CLVS1: variants seen among roughly 807,000 people sequenced by gnomAD.
CLVS1 encodes the protein clavesin-1.
CLVS1 carries 10 observed loss-of-function variants against 33.1 expected under a neutral mutation model. The ratio of observed to expected loss-of-function variants is 0.30; its 90% CI spans 0.19 to 0.51. CLVS1 has a LOEUF of 0.51. CLVS1 is among the 20% of genes least tolerant of loss of function. The probability of loss-of-function intolerance (pLI) is 0.97; values close to 1 mark genes in which losing one functional copy is unlikely to be tolerated. For missense variants in CLVS1, 343 were observed against 433.4 expected, an observed-to-expected ratio of 0.79 and a Z score of 1.85; for synonymous variants, 163 against 166.1, an observed-to-expected ratio of 0.98 and a Z score of 0.14.
chr8:61,279,211 A>G (rs537048705), intron 2 of CLVS1, among the ~76,000 whole-genome samples: 16 of 152,292 alleles, frequency 1.1e-4, no homozygotes, highest in African/African-American at 3.6e-4. Context: ...ATGTCATGAC[A>G]AGCACCTACT....
intron 3 of CLVS1, among the ~76,000 whole-genome samples, chr8:61,400,653 G>T (rs143200919): frequency 6.6e-6 from 1 of 152,276 alleles, no homozygotes; most frequent in African/African-American, 2.4e-5. Flanking sequence ...CATTCAGTAT[G>T]CTACTGGCTG....
At chr8:61,401,752 C>G (rs1814771476) in intron 3 of CLVS1, among the ~76,000 whole-genome samples, 1 of 152,000 alleles carries the variant, frequency 6.6e-6, no homozygotes, top group Non-Finnish European at 1.5e-5. Context: ...AATAGCCAAC[C>G]ACGACAATCC....
the CLVS1 span, among the ~76,000 whole-genome samples, chr8:61,034,992 C>A: frequency 1.3e-5 from 2 of 152,178 alleles, no homozygotes; most frequent in South Asian, 4.1e-4. Context: ...AGAAAAGCGT[C>A]CTTGAGGGTG....
At chr8:61,017,475 A>G in the CLVS1 span, among the ~76,000 whole-genome samples, 2 of 152,166 alleles carry the variant, frequency 1.3e-5, no homozygotes, top group African/African-American at 4.8e-5. Context: ...TGTTTTTGTC[A>G]TTTGCATCCT....
chr8:61,433,778 G>T (rs1816203724), intron 3 of CLVS1, among the ~76,000 whole-genome samples: 1 of 152,090 alleles, frequency 6.6e-6, no homozygotes, highest in African/African-American at 2.4e-5. Context: ...GCCAGGTGTG[G>T]TGGCTGGCAC....
At chr8:61,409,927 T>G (rs1255548995) in intron 3 of CLVS1, among the ~76,000 whole-genome samples, 1 of 152,202 alleles carries the variant, frequency 6.6e-6, no homozygotes, top group East Asian at 1.9e-4. Flanking sequence ...GTTTTTGTTT[T>G]GCTAATTTTT....
the CLVS1 span, among the ~76,000 whole-genome samples, chr8:60,981,140 T>G: frequency 6.6e-6 from 1 of 152,182 alleles, no homozygotes; most frequent in Admixed American, 6.5e-5. Context: ...CCACCAAGTT[T>G]GTAGTAATAG....
At chr8:61,037,060 C>A in the CLVS1 span, among the ~76,000 whole-genome samples, 1 of 152,206 alleles carries the variant, frequency 6.6e-6, no homozygotes, top group South Asian at 2.1e-4. Flanking sequence ...ATTTCTACAT[C>A]AGTGTTTATA....
chr8:61,262,191 A>G (rs1001236985), intron 2 of CLVS1, among the ~76,000 whole-genome samples: 3 of 152,052 alleles, frequency 2.0e-5, no homozygotes, highest in African/African-American at 7.2e-5. Context: ...ATTAAAAAAC[A>G]ATTTTTTTCA....
At chr8:61,389,562 A>G (rs1239973920) in intron 3 of CLVS1, among the ~76,000 whole-genome samples, 2 of 152,098 alleles carry the variant, frequency 1.3e-5, no homozygotes, top group Admixed American at 1.3e-4. Context: ...GACAAATAAC[A>G]GCTGACAGCC....
chr8:61,481,507 C>T (rs539779622), intron 5 of CLVS1, among the ~76,000 whole-genome samples: 28 of 152,310 alleles, frequency 1.8e-4, no homozygotes, highest in South Asian at 8.3e-4. Flanking sequence ...CCTAATACTA[C>T]GCTTTTCCAA....
intron 2 of CLVS1, among the ~76,000 whole-genome samples, chr8:61,224,799 C>G (rs1387725865): frequency 2.0e-5 from 3 of 152,174 alleles, no homozygotes; most frequent in Non-Finnish European, 4.4e-5. Context: ...AAAGAGCTAA[C>G]TATCCTAAAT....
intron 2 of CLVS1, among the ~76,000 whole-genome samples, chr8:61,133,811 A>G (rs1191827467): frequency 1.3e-5 from 2 of 152,186 alleles, no homozygotes; most frequent in South Asian, 4.1e-4. Flanking sequence ...GATATACTCA[A>G]GAGGTGGACA....
chr8:61,103,867 T>C (rs1358490426), intron 1 of CLVS1, among the ~76,000 whole-genome samples: 1 of 152,230 alleles, frequency 6.6e-6, no homozygotes, highest in Non-Finnish European at 1.5e-5. Flanking sequence ...GGGTCTATTC[T>C]TGCCTGGATG....
At chr8:61,202,595 C>G in intron 2 of CLVS1, 1 of 1,367,426 alleles carries the variant, frequency 7.3e-7, no homozygotes, top group Non-Finnish European at 1.0e-6. Context: ...TTGAAAATGT[C>G]TGTACAGCCA....
chr8:61,250,124 T>A (rs1329171817), intron 2 of CLVS1, among the ~76,000 whole-genome samples: 1 of 152,092 alleles, frequency 6.6e-6, no homozygotes, highest in Non-Finnish European at 1.5e-5. Flanking sequence ...CCAGTTTCCG[T>A]TTTCTGCATA....
intron 1 of CLVS1, among the ~76,000 whole-genome samples, chr8:61,290,375 AT>A (rs1290533655): frequency 1.3e-5 from 2 of 152,240 alleles, no homozygotes; most frequent in Non-Finnish European, 2.9e-5. Context: ...CCTTTAAAAA[AT>A]ATTTTCAGTA....
At chr8:61,245,498 A>C (rs185000882) in intron 2 of CLVS1, among the ~76,000 whole-genome samples, 1 of 151,908 alleles carries the variant, frequency 6.6e-6, no homozygotes, top group African/African-American at 2.4e-5. Flanking sequence ...TCTGTCTTTC[A>C]TAAGAAGCAT....
intron 5 of CLVS1, among the ~76,000 whole-genome samples, chr8:61,496,280 G>A (rs1207230291): frequency 6.6e-6 from 1 of 152,172 alleles, no homozygotes; most frequent in Non-Finnish European, 1.5e-5. Context: ...AAAGTAGATG[G>A]CCATCAGTAT....
Sources: allele counts gnomAD v4.1 joint callset (sites outside exome capture counted in the v4.1 genomes callset), GRCh38; gene constraint gnomAD v4.1.1; transcripts MANE v1.5; gene names NCBI Gene and HGNC (gene_info 2026-07-23, HGNC 2026-07-21).